Variants in NPSR1 observed in about 807,000 individuals in gnomAD.
NPSR1 encodes neuropeptide S receptor 1.
Under a neutral mutation model 46.9 loss-of-function variants are expected in NPSR1, and 48 were observed. The ratio of observed to expected loss-of-function variants is 1.02; its 90% CI spans 0.81 to 1.30. The LOEUF is 1.30. Ranked by LOEUF, NPSR1 falls within the 50% of genes most tolerant of loss-of-function variation. NPSR1 has a pLI of 0.00. For missense variants in NPSR1, 450 were observed against 449.5 expected (o/e 1.00, Z -0.01); for synonymous variants, 176 against 168.1 (o/e 1.05, Z -0.36).
intron 4 of NPSR1, among the ~76,000 whole-genome samples, chr7:34,821,597 G>C (rs1394063099): frequency 6.6e-6 from 1 of 152,206 alleles, no homozygotes; most frequent in Non-Finnish European, 1.5e-5. Context: ...AAACTTGTTA[G>C]AGGTACAGAC....
chr7:34,845,438 G>GCCCTTT (rs1790705236), intron 7 of NPSR1: 4 of 375,720 alleles, frequency 1.1e-5, no homozygotes, highest in South Asian at 8.2e-5. Flanking sequence ...CCTGTCTTCT[G>GCCCTTT]CCCTTTCCTT....
At chr7:34,680,965 G>A (rs1464284766) in intron 1 of NPSR1, among the ~76,000 whole-genome samples, 4 of 151,224 alleles carry the variant, frequency 2.6e-5, no homozygotes, top group Admixed American at 6.6e-5. Flanking sequence ...AATGATGTTG[G>A]TAATAATTAT....
chr7:34,743,964 G>C (rs1452750884), intron 2 of NPSR1, among the ~76,000 whole-genome samples: 4 of 152,070 alleles, frequency 2.6e-5, no homozygotes, highest in Admixed American at 2.0e-4. Flanking sequence ...CAGCCGATTT[G>C]AGAAGTATTA....
At chr7:34,774,655 G>A (rs1406070473) in intron 2 of NPSR1, among the ~76,000 whole-genome samples, 7 of 152,096 alleles carry the variant, frequency 4.6e-5, no homozygotes, top group African/African-American at 7.2e-5. Context: ...TGATTCTTTC[G>A]CTTGGGCATC....
chr7:34,840,110 C>T (rs1439430722), intron 6 of NPSR1, among the ~76,000 whole-genome samples: 6 of 152,060 alleles, frequency 3.9e-5, no homozygotes, highest in Non-Finnish European at 8.8e-5. Context: ...TATCTAGCTA[C>T]AATTTACAGT....
intron 2 of NPSR1, among the ~76,000 whole-genome samples, chr7:34,741,154 G>T (rs934436281): frequency 2.0e-5 from 3 of 152,152 alleles, no homozygotes; most frequent in Non-Finnish European, 2.9e-5. Context: ...GTAACATGGT[G>T]TCTTGGTATG....
chr7:34,665,308 T>C (rs928539687), intron 1 of NPSR1, among the ~76,000 whole-genome samples: 29 of 152,318 alleles, frequency 1.9e-4, no homozygotes, highest in Middle Eastern at 3.4e-3. Context: ...CCAGGGGTGA[T>C]GGTAAATTTT....
intron 2 of NPSR1, among the ~76,000 whole-genome samples, chr7:34,774,907 G>A (rs993148055): frequency 6.6e-6 from 1 of 152,120 alleles, no homozygotes; most frequent in African/African-American, 2.4e-5. Flanking sequence ...AGGCCTACCA[G>A]GTATCTTGCT....
chr7:34,865,023 A>C (rs1027221707), intron 8 of NPSR1, among the ~76,000 whole-genome samples: 1 of 151,730 alleles, frequency 6.6e-6, no homozygotes, highest in African/African-American at 2.4e-5. Context: ...GTCCATAAAA[A>C]TTTCTCAAGT....
intron 1 of NPSR1, among the ~76,000 whole-genome samples, chr7:34,663,089 G>GTTTGTGTGTGTGTGTA (rs1791551566): frequency 3.0e-5 from 3 of 100,058 alleles, no homozygotes; most frequent in Admixed American, 2.1e-4. Context: ...GTGTATGTGT[G>GTTTGTGTGTGTGTGTA]TGTGGCGGGG....
intron 4 of NPSR1, among the ~76,000 whole-genome samples, chr7:34,815,507 T>C (rs1478891764): frequency 6.6e-6 from 1 of 152,170 alleles, no homozygotes; most frequent in Non-Finnish European, 1.5e-5. Flanking sequence ...TTCATGATAT[T>C]ATCCAGAACT....
intron 1 of NPSR1, among the ~76,000 whole-genome samples, chr7:34,680,940 GT>G (rs11350158): frequency 0.14 from 20,481 of 144,290 alleles, 1,472 homozygotes; most frequent in African/African-American, 0.19. Flanking sequence ...GTTGATAAAG[GT>G]TTTTTTTTTT....
chr7:34,871,701 A>G (rs1791456479), intron 8 of NPSR1: 1 of 151,934 alleles, frequency 6.6e-6, no homozygotes, highest in African/African-American at 2.4e-5. Flanking sequence ...TAGGCACCAC[A>G]CAAGTCTAAA....
intron 2 of NPSR1, among the ~76,000 whole-genome samples, chr7:34,724,184 G>C (rs926389044): frequency 1.3e-5 from 2 of 152,118 alleles, no homozygotes; most frequent in African/African-American, 4.8e-5. Flanking sequence ...CCTATAACTA[G>C]ATATTGAAAA....
At chr7:34,859,852 A>G (rs375970877) in intron 8 of NPSR1, among the ~76,000 whole-genome samples, 3 of 151,812 alleles carry the variant, frequency 2.0e-5, no homozygotes, top group African/African-American at 7.3e-5. Flanking sequence ...CAACTCTTCA[A>G]TGGGCTGGTA....
intron 8 of NPSR1, among the ~76,000 whole-genome samples, chr7:34,875,338 C>A (rs916687901): frequency 2.0e-5 from 3 of 152,204 alleles, no homozygotes; most frequent in African/African-American, 7.2e-5. Flanking sequence ...TCTAAACTTG[C>A]ATTTTAAAAA....
rs144912158 is a variant in NPSR1, at chr7:34,794,328, G to A, written c.384+15763G>A. Among the ~76,000 whole-genome samples the A allele has an allele frequency of 5.3e-3, 801 of 151,860 alleles. 6 individuals are homozygous for A. The highest frequency in any genetic ancestry group is 0.019 in the African/African-American group (772 of 41,428). On this transcript the variant is annotated intron_variant, in intron 3 of 8. Transcript: ENST00000360581. ...TATACACATATCAAAACATCATATC[G>A]TACCACATAAATATGTACGATTATT... is the stretch of plus-strand genomic sequence containing the variant.
chr7:34,722,007 C>A (rs554228920), intron 2 of NPSR1, among the ~76,000 whole-genome samples: 1 of 151,970 alleles, frequency 6.6e-6, no homozygotes, highest in South Asian at 2.1e-4. Flanking sequence ...TTAACTCAAC[C>A]ATTCCTTTTA....
intron 8 of NPSR1, chr7:34,849,325 CT>C (rs1480340187): frequency 1.9e-5 from 30 of 1,545,300 alleles, no homozygotes; most frequent in Non-Finnish European, 2.5e-5. Flanking sequence ...TAAAACAGGG[CT>C]AATAGCAGTG....
Sources: allele counts gnomAD v4.1 joint callset (sites outside exome capture counted in the v4.1 genomes callset), GRCh38; gene constraint gnomAD v4.1.1; transcripts MANE v1.5; gene names NCBI Gene and HGNC (gene_info 2026-07-23, HGNC 2026-07-21).